PEPD: variants seen among roughly 807,000 people sequenced by gnomAD.
The protein encoded by PEPD is xaa-Pro dipeptidase.
Under a neutral mutation model 60.7 loss-of-function variants are expected in PEPD, and 53 were observed. That is an observed-to-expected ratio of 0.87 (90% CI 0.70 to 1.10). The LOEUF is 1.10. Ranked by LOEUF, PEPD falls within the 50% of genes least tolerant of loss-of-function variation. The probability of loss-of-function intolerance (pLI) is 0.00; values close to 1 mark genes in which losing one functional copy is unlikely to be tolerated. For synonymous variants in PEPD, 267 were observed against 284.1 expected (o/e 0.94, Z 0.60); for missense variants, 711 against 711.9 (o/e 1.00, Z 0.01).
intron 9 of PEPD, among the ~76,000 whole-genome samples, chr19:33,448,362 G>A (rs968657267): frequency 2.0e-5 from 3 of 152,108 alleles, no homozygotes; most frequent in Non-Finnish European, 4.4e-5. Context: ...CGAGGTGGGC[G>A]TCTGGTCCAC....
chr19:33,506,219 TAC>T (rs1388010928), intron 3 of PEPD, among the ~76,000 whole-genome samples: 3 of 90,074 alleles, frequency 3.3e-5, no homozygotes, highest in Non-Finnish European at 4.5e-5. Flanking sequence ...CCCTACACAC[TAC>T]ACACACACCC....
intron 4 of PEPD, among the ~76,000 whole-genome samples, chr19:33,494,972 A>C (rs539409501): frequency 5.3e-5 from 8 of 152,110 alleles, no homozygotes; most frequent in African/African-American, 1.4e-4. Context: ...ATCTCTATTA[A>C]AAATACAAAA....
At chr19:33,489,958 G>C (rs200580514) in intron 6 of PEPD, 38 bp downstream of exon 6, 2 of 1,269,492 alleles carry the variant, frequency 1.6e-6, no homozygotes, top group Non-Finnish European at 2.3e-6. Context: ...GGGAGTGGGG[G>C]ATGGTGGGGA....
chr19:33,448,652 A>C (rs529114444), intron 9 of PEPD, among the ~76,000 whole-genome samples: 1 of 152,270 alleles, frequency 6.6e-6, no homozygotes, highest in East Asian at 1.9e-4. Flanking sequence ...AAGAACCAAC[A>C]GCATGAAAGC....
intron 9 of PEPD, among the ~76,000 whole-genome samples, chr19:33,457,852 AGC>A (rs1213874758): frequency 4.0e-5 from 5 of 126,548 alleles, no homozygotes; most frequent in Admixed American, 2.4e-4. Context: ...CAAACAAACA[AGC>A]AAACAAAAAG....
In PEPD at chr19:33,490,014, G is replaced by A. The variant is rs772426902; in HGVS notation, c.485C>T (p.Ser162Phe). Residue 162 changes from serine (S) to phenylalanine (F), a missense_variant, in exon 6 of 15, where the codon TCC (serine) becomes TTC (phenylalanine). Ser to Phe is a radical substitution (Grantham distance 155). Coordinates refer to ENST00000244137, the MANE Select transcript of PEPD (RefSeq NM_000285.4). ...GACTCACTTGCTGATGCCGTCAAAG[G>A]AGGCCTCCCTGCAGACACTGCCGCT... ...TDSGSVCREASFDGISKFEVN... is the reference protein window; with the variant it reads ...TDSGSVCREAFFDGISKFEVN... The A allele has an allele frequency of 4.0e-5, 64 of 1,610,226 alleles. No homozygotes were observed. Among genetic ancestry groups the A allele is most frequent in the Non-Finnish European group, 5.4e-5 (64 of 1,177,846 alleles).
At chr19:33,418,756 A>G (rs937425848) in intron 9 of PEPD, among the ~76,000 whole-genome samples, 1 of 152,172 alleles carries the variant, frequency 6.6e-6, no homozygotes, top group Non-Finnish European at 1.5e-5. Flanking sequence ...CCCCTTCCCC[A>G]GGCCCCAGCA....
At chr19:33,473,834 A>G (rs1203869053) in intron 7 of PEPD, among the ~76,000 whole-genome samples, 1 of 152,214 alleles carries the variant, frequency 6.6e-6, no homozygotes, top group Admixed American at 6.5e-5. Flanking sequence ...TCCAGTTATG[A>G]TCTCATGTTT....
intron 12 of PEPD, among the ~76,000 whole-genome samples, chr19:33,400,765 A>C (rs888516427): frequency 1.3e-5 from 2 of 152,222 alleles, no homozygotes; most frequent in African/African-American, 4.8e-5. Flanking sequence ...CTCTGGGCAA[A>C]GGTGACAAGC....
Position 33,401,792 on chromosome 19 carries a change from G to A in PEPD, c.896C>T (p.Thr299Ile). The change falls in exon 12 of 15, where the codon ACT becomes ATT. Residue 299 changes from threonine to isoleucine, a missense_variant. Thr to Ile is a moderately conservative substitution (Grantham distance 89, BLOSUM62 -1). Coordinates refer to ENST00000244137, the MANE Select transcript of PEPD (RefSeq NM_000285.4). ...TCSFPANGKF[T>I]ADQKAVYEAV... ...CTCATAGACGGCCTTCTGGTCTGCA[G>A]TGAACTTGCCGTTGGCGGGAAAGGA... 1 of 1,612,800 alleles carries A rather than the reference G, an allele frequency of 6.2e-7. No homozygotes were observed. The highest frequency in any genetic ancestry group is 8.5e-7 in the Non-Finnish European group (1 of 1,179,686).
At chr19:33,462,336 T>C (rs866340984) in intron 9 of PEPD, among the ~76,000 whole-genome samples, 40 of 151,478 alleles carry the variant, frequency 2.6e-4, no homozygotes, top group Admixed American at 3.3e-4. Flanking sequence ...TGGTGGGAGG[T>C]CTCGGAATGG....
Position 33,489,977 on chromosome 19 carries a change from C to T in PEPD, c.503+19G>A, listed in dbSNP as rs1232984235. Reference sequence around the variant, plus strand: ...GTGGGGGATGGTGGGGAAAGAGTCCCTGGGGGCCCAGGACTCACTTGCTGA... The same window carrying T: ...GTGGGGGATGGTGGGGAAAGAGTCCTTGGGGGCCCAGGACTCACTTGCTGA... On this transcript the variant is annotated intron_variant, in intron 6 of 14. Transcript: ENST00000244137. 1.9e-6 allele frequency: 3 copies of T among 1,542,186 alleles called. No homozygotes were observed. Among genetic ancestry groups the T allele is most frequent in the Non-Finnish European group, 2.7e-6 (3 of 1,120,214 alleles).
intron 7 of PEPD, among the ~76,000 whole-genome samples, chr19:33,467,483 G>A (rs749522944): frequency 1.3e-5 from 2 of 152,176 alleles, no homozygotes; most frequent in African/African-American, 2.4e-5. Context: ...ACGGGTTGGA[G>A]AAAAGATGTG....
At chr19:33,512,317 T>TCC (rs1970941995) in intron 2 of PEPD, among the ~76,000 whole-genome samples, 1 of 152,206 alleles carries the variant, frequency 6.6e-6, no homozygotes, top group Non-Finnish European at 1.5e-5. Flanking sequence ...TGGGTGGGTG[T>TCC]CCTCATGTTC....
chr19:33,491,581 C>A (rs1033991687), intron 5 of PEPD, among the ~76,000 whole-genome samples: 1 of 152,180 alleles, frequency 6.6e-6, no homozygotes, highest in Admixed American at 6.5e-5. Context: ...GTTCACCAAA[C>A]AAAGGAGACA....
At chr19:33,501,137 C>T (rs765553067) in intron 3 of PEPD, 136 bp from the exon 4 acceptor site, 93 of 729,960 alleles carry the variant, frequency 1.3e-4, no homozygotes, top group Non-Finnish European at 2.1e-4. Flanking sequence ...ACCCAGCACC[C>T]GGCACCGAAC....
In PEPD at chr19:33,412,430, C is replaced by G. The variant is rs10417865; in HGVS notation, c.741-681G>C. ...TACGGAACCCCTCCTTTCCTGGTGG[C>G]CAAAGGGGAGAGGGCCTCTATGGAA... On this transcript the variant is annotated intron_variant, in intron 10 of 14. Transcript: ENST00000244137. 9.5e-3 allele frequency among the ~76,000 whole-genome samples: 1,443 copies of G among 152,258 alleles called. 34 individuals carry two copies. The highest frequency in any genetic ancestry group is 0.033 in the African/African-American group (1,373 of 41,558).
At chr19:33,485,231 C>T (rs1970375060) in intron 6 of PEPD, among the ~76,000 whole-genome samples, 1 of 151,878 alleles carries the variant, frequency 6.6e-6, no homozygotes, top group Non-Finnish European at 1.5e-5. Flanking sequence ...CGCTGACTCA[C>T]ACCTGTAATC....
At chr19:33,410,147 T>C (rs1432638951) in intron 11 of PEPD, among the ~76,000 whole-genome samples, 1 of 152,172 alleles carries the variant, frequency 6.6e-6, no homozygotes, top group African/African-American at 2.4e-5. Context: ...CAGCGCGCAG[T>C]GGGTGGCGGT....
Sources: allele counts gnomAD v4.1 joint callset (sites outside exome capture counted in the v4.1 genomes callset), GRCh38; gene constraint gnomAD v4.1.1; transcripts MANE v1.5; gene names NCBI Gene and HGNC (gene_info 2026-07-23, HGNC 2026-07-21).